Variants in DPP10 observed in about 807,000 individuals in gnomAD.
DPP10 encodes dipeptidyl peptidase like 10.
In DPP10, 33 loss-of-function variants were observed where a neutral mutation model predicts 120.9. The observed-to-expected ratio is 0.27, with a 90% CI of 0.21 to 0.37. The LOEUF (loss-of-function observed/expected upper bound fraction) is 0.37. DPP10 is among the 10% of genes least tolerant of loss of function. DPP10 has a pLI of 1.00. For missense variants in DPP10, 816 were observed against 942.8 expected (o/e 0.87, Z 1.76); for synonymous variants, 337 against 326.1 (o/e 1.03, Z -0.36).
chr2:114,947,909 T>G (rs1284455215), intron 1 of DPP10, among the ~76,000 whole-genome samples: 1 of 152,040 alleles, frequency 6.6e-6, no homozygotes, highest in Non-Finnish European at 1.5e-5. Flanking sequence ...TGTTCATAAG[T>G]CTCCCCTCCC....
intron 1 of DPP10, among the ~76,000 whole-genome samples, chr2:114,869,268 A>G (rs1376187228): frequency 6.6e-6 from 1 of 152,132 alleles, no homozygotes; most frequent in African/African-American, 2.4e-5. Flanking sequence ...AGCATATACG[A>G]TACTTAATTG....
intron 1 of DPP10, among the ~76,000 whole-genome samples, chr2:115,298,459 C>T (rs1252263792): frequency 6.6e-6 from 1 of 152,010 alleles, no homozygotes; most frequent in Non-Finnish European, 1.5e-5. Flanking sequence ...TGTGTCACTC[C>T]AGGACTTAAT....
intron 1 of DPP10, among the ~76,000 whole-genome samples, chr2:114,631,196 A>G (rs1051814114): frequency 3.9e-5 from 6 of 152,128 alleles, no homozygotes; most frequent in Non-Finnish European, 5.9e-5. Flanking sequence ...CCTGTGTTGA[A>G]TGCCTACGGC....
intron 1 of DPP10, chr2:114,835,624 T>C (rs1687671886): frequency 6.6e-6 from 1 of 152,194 alleles, no homozygotes; most frequent in Non-Finnish European, 1.5e-5. Context: ...CCAATCAGTC[T>C]TGGCAGGATT....
intron 1 of DPP10, among the ~76,000 whole-genome samples, chr2:115,138,107 T>C (rs907093217): frequency 6.6e-6 from 1 of 152,148 alleles, no homozygotes. Context: ...AAAAGTTATA[T>C]GCACAGATAC....
chr2:115,819,774 G>A (rs188813668), intron 21 of DPP10, among the ~76,000 whole-genome samples: 4 of 152,104 alleles, frequency 2.6e-5, no homozygotes, highest in East Asian at 3.9e-4. Context: ...TGGGCGGATC[G>A]CCTGAGGTTG....
chr2:115,206,723 ACTC>A (rs1237517282), intron 1 of DPP10, among the ~76,000 whole-genome samples: 1 of 152,034 alleles, frequency 6.6e-6, no homozygotes, highest in Non-Finnish European at 1.5e-5. Flanking sequence ...AGCTTGGTTT[ACTC>A]CTCTATTTAT....
At chr2:114,562,249 A>G (rs565193309) in intron 1 of DPP10, among the ~76,000 whole-genome samples, 2 of 152,314 alleles carry the variant, frequency 1.3e-5, no homozygotes, top group South Asian at 4.1e-4. Flanking sequence ...AAACCTCTAA[A>G]TCTTTAGACT....
chr2:115,814,202 A>G (rs1686973096), intron 19 of DPP10, among the ~76,000 whole-genome samples: 1 of 152,168 alleles, frequency 6.6e-6, no homozygotes, highest in Non-Finnish European at 1.5e-5. Flanking sequence ...CTTTAGTGAT[A>G]AAAAAGAATT....
rs368688168 is a variant in DPP10 at position 114,852,967 on chromosome 2, C to A, written c.60+410129C>A. ...TATTTTGTGATAAAAATTCCGAACA[C>A]CTGTGCAGGCTGTGTTTGATCAGAT... On this transcript the variant is annotated intron_variant, in intron 1 of 25. Transcript: ENST00000410059. 2.6e-4 allele frequency among the ~76,000 whole-genome samples: 40 copies of A among 152,250 alleles called. No individual in the cohort carries two copies. In the East Asian group the frequency reaches 6.0e-3, roughly 23 times the overall value.
intron 3 of DPP10, among the ~76,000 whole-genome samples, chr2:115,370,607 C>T (rs2065344984): frequency 6.6e-6 from 1 of 152,070 alleles, no homozygotes; most frequent in Non-Finnish European, 1.5e-5. Context: ...TAGTTTTTAA[C>T]AAGAAGGTAC....
intron 5 of DPP10, among the ~76,000 whole-genome samples, chr2:115,556,504 C>T (rs542336469): frequency 6.6e-6 from 1 of 151,668 alleles, no homozygotes; most frequent in Non-Finnish European, 1.5e-5. Context: ...GAAAAGAGAT[C>T]CCATTACATT....
At chr2:114,644,815 G>T (rs1573871343) in intron 1 of DPP10, among the ~76,000 whole-genome samples, 1 of 152,044 alleles carries the variant, frequency 6.6e-6, no homozygotes, top group South Asian at 2.1e-4. Flanking sequence ...CACCTCTGAA[G>T]TTAGAGGACG....
chr2:114,949,019 G>A (rs555917274), intron 1 of DPP10, among the ~76,000 whole-genome samples: 2 of 152,042 alleles, frequency 1.3e-5, no homozygotes, highest in South Asian at 4.2e-4. Context: ...CCGCCTCCCG[G>A]GTTCAAGTGA....
intron 1 of DPP10, among the ~76,000 whole-genome samples, chr2:114,515,239 G>A (rs1684496637): frequency 6.6e-6 from 1 of 152,106 alleles, no homozygotes; most frequent in Non-Finnish European, 1.5e-5. Context: ...TGACTCTTGT[G>A]TCTTTTCAGA....
At chr2:114,715,707 C>T (rs563790382) in intron 1 of DPP10, among the ~76,000 whole-genome samples, 103 of 149,712 alleles carry the variant, frequency 6.9e-4, no homozygotes, top group Non-Finnish European at 1.3e-3. Context: ...TGTTCCAGTA[C>T]AAAAAAGCTG....
intron 3 of DPP10, among the ~76,000 whole-genome samples, chr2:115,379,449 G>C (rs1205070336): frequency 1.3e-5 from 2 of 151,408 alleles, no homozygotes; most frequent in East Asian, 2.0e-4. Context: ...CTCTTTTTTT[G>C]TTTATTAGTC....
chr2:114,908,351 G>T (rs1001244312), intron 1 of DPP10, among the ~76,000 whole-genome samples: 25 of 151,708 alleles, frequency 1.6e-4, no homozygotes, highest in Non-Finnish European at 1.5e-4. Context: ...TTTTCTTTTG[G>T]TATTGTATGT....
rs1283183077 is a variant in DPP10 at position 115,844,163 on chromosome 2, A to G, written c.*1818A>G. 3 of 152,604 alleles carry G rather than the reference A, an allele frequency of 2.0e-5. No homozygotes were observed. Among genetic ancestry groups the G allele is most frequent in the Non-Finnish European group, 4.4e-5 (3 of 68,022 alleles). The allele number at this position is 152,604 out of a possible 1,614,324, so 9.5% of individuals were successfully genotyped here. On this transcript the variant is annotated 3_prime_UTR_variant, in exon 26 of 26. Coordinates refer to ENST00000410059, the MANE Select transcript of DPP10 (RefSeq NM_020868.6). The stretch of plus-strand genomic sequence containing the variant: ...TAACAAAATAAGTTGTAATTTTAAA[A>G]GGAAAGTTTTGCCTATTTTATTAAG...
Sources: allele counts gnomAD v4.1 joint callset (sites outside exome capture counted in the v4.1 genomes callset), GRCh38; gene constraint gnomAD v4.1.1; transcripts MANE v1.5; gene names NCBI Gene and HGNC (gene_info 2026-07-23, HGNC 2026-07-21).